The following ANKRD13A variants were observed in gnomAD, a reference collection of about 807,000 sequenced individuals.
The protein encoded by ANKRD13A is ankyrin repeat domain 13A.
In ANKRD13A, 48 loss-of-function variants were observed where a neutral mutation model predicts 81.3. The ratio of observed to expected loss-of-function variants is 0.59; its 90% CI spans 0.47 to 0.75. The LOEUF (loss-of-function observed/expected upper bound fraction) is 0.75. Among genes scored for constraint, ANKRD13A ranks in the 30% least tolerant of loss-of-function variants. The pLI is 0.00. For synonymous variants in ANKRD13A, 230 were observed against 270.1 expected (o/e 0.85, Z 1.45); for missense variants, 612 against 734.0 (o/e 0.83, Z 1.92).
Position 110,037,658 on chromosome 12 carries a change from G to A in ANKRD13A, c.*104G>A. 2 of 1,203,734 alleles carry A rather than the reference G, an allele frequency of 1.7e-6. No homozygotes were observed. Among genetic ancestry groups the A allele is most frequent in the Non-Finnish European group, 2.3e-6 (2 of 874,680 alleles). 74.6% of individuals were successfully genotyped at this position (1,203,734 alleles called of 1,614,324 possible). On this transcript the variant is annotated 3_prime_UTR_variant, in exon 15 of 15. Coordinates refer to ENST00000261739, the MANE Select transcript of ANKRD13A (RefSeq NM_033121.2). ...CTAAGGGCCTGCACCTTGCGTGCAT[G>A]CAGCAGGCAACAACTGCCCCTTCTT... is the stretch of plus-strand genomic sequence containing the variant.
At chr12:110,009,990 G>A (rs545300393) in intron 1 of ANKRD13A, among the ~76,000 whole-genome samples, 2 of 152,248 alleles carry the variant, frequency 1.3e-5, no homozygotes, top group South Asian at 2.1e-4. Context: ...TCAGCTTCCC[G>A]AGTAGCTGGG....
chr12:110,013,685 C>T (rs1310211737), intron 3 of ANKRD13A, among the ~76,000 whole-genome samples: 3 of 152,054 alleles, frequency 2.0e-5, no homozygotes, highest in Non-Finnish European at 4.4e-5. Flanking sequence ...GTAGGATGAT[C>T]GCTTGAACCC....
intron 11 of ANKRD13A, 149 bp downstream of exon 11, chr12:110,029,784 G>A: frequency 1.2e-6 from 1 of 854,888 alleles, no homozygotes; most frequent in South Asian, 1.8e-5. Context: ...GTTCTCCTGT[G>A]GTTTGATTTA....
intron 4 of ANKRD13A, among the ~76,000 whole-genome samples, chr12:110,017,850 T>G (rs1041859703): frequency 3.3e-5 from 5 of 151,966 alleles, no homozygotes; most frequent in African/African-American, 4.8e-5. Flanking sequence ...GAGAATCGCT[T>G]GAACCTGGGA....
chr12:110,027,940 A>G, intron 9 of ANKRD13A, 174 bp downstream of exon 9: 1 of 617,262 alleles, frequency 1.6e-6, no homozygotes, highest in South Asian at 2.0e-5. Flanking sequence ...TGACTCTTTG[A>G]AAATAAATAA....
At chr12:110,020,063 T>C (rs1407566445) in intron 6 of ANKRD13A, among the ~76,000 whole-genome samples, 1 of 152,174 alleles carries the variant, frequency 6.6e-6, no homozygotes, top group Admixed American at 6.5e-5. Context: ...GCCTAGGATG[T>C]CACATCCAGC....
At chr12:110,016,527 T>C in intron 4 of ANKRD13A, 94 bp downstream of exon 4, 1 of 1,240,374 alleles carries the variant, frequency 8.1e-7, no homozygotes, top group East Asian at 2.4e-5. Flanking sequence ...TACATGTATT[T>C]TTTTTTAGTC....
chr12:110,001,974 C>A (rs549832374), intron 1 of ANKRD13A, among the ~76,000 whole-genome samples: 2 of 151,642 alleles, frequency 1.3e-5, no homozygotes, highest in East Asian at 4.0e-4. Flanking sequence ...TAGGAATCTA[C>A]TTCTTTTGGT....
In ANKRD13A at chr12:110,037,341, A is replaced by G. The variant is rs976243921; in HGVS notation, c.1578-18A>G. 1.2e-6 allele frequency: 2 copies of G among 1,601,964 alleles called. No homozygotes were observed. Among genetic ancestry groups the G allele is most frequent in the Non-Finnish European group, 1.7e-6 (2 of 1,173,460 alleles). On this transcript the variant is annotated intron_variant, in intron 14 of 14. Transcript: ENST00000261739. ...ATGATAGTAGTGACTCTCCCTTTTT[A>G]TCTGTTTTCCAACCCAGGGCCATCC...
rs1892199317 is a variant in ANKRD13A at position 110,038,653 on chromosome 12, ATCT to A, written c.*1101_*1103del. ...TTCTGGATAAATCTATTTTTTAACA[ATCT>A]TTTTATTATTTGTAAAAGATATAAA... On this transcript the variant is annotated 3_prime_UTR_variant, in exon 15 of 15. Coordinates refer to ENST00000261739, the MANE Select transcript of ANKRD13A (RefSeq NM_033121.2). The A allele has an allele frequency of 6.6e-6, 1 of 152,618 alleles. No homozygotes were observed. The highest frequency in any genetic ancestry group is 2.1e-4 in the South Asian group (1 of 4,832). 9.5% of individuals were successfully genotyped at this position (152,618 alleles called of 1,614,324 possible).
chr12:110,038,695 A>C lies in ANKRD13A; in HGVS notation c.*1141A>C, dbSNP rs747900770. On this transcript the variant is annotated 3_prime_UTR_variant, in exon 15 of 15. Transcript: ENST00000261739. The stretch of plus-strand genomic sequence containing the variant: ...AAAAGATATAAAAACAACTCCCATC[A>C]GTAGCAATACAAGGTTATACATTTT... The C allele has an allele frequency of 6.6e-6, 1 of 152,670 alleles. No individual in the cohort carries two copies. The highest frequency in any genetic ancestry group is 1.5e-5 in the Non-Finnish European group (1 of 68,046). The allele number at this position is 152,670 out of a possible 1,614,324, so 9.5% of individuals were successfully genotyped here. A position where few individuals can be genotyped will look rare whatever the true frequency, so the allele number is the denominator to read the frequency against.
At chr12:110,032,385 TAA>T (rs1891744322) in intron 12 of ANKRD13A, 1 of 152,188 alleles carries the variant, frequency 6.6e-6, no homozygotes. Flanking sequence ...GTATATAAAT[TAA>T]GACTTCAAAT....
Position 110,038,164 on chromosome 12 carries a change from T to A in ANKRD13A, c.*610T>A, listed in dbSNP as rs1399049554. ...TACATATAGAATCTATTTTAGATTA[T>A]TGTTAACTATTTGCATCAAATTAAG... is the stretch of plus-strand genomic sequence containing the variant. On this transcript the variant is annotated 3_prime_UTR_variant, in exon 15 of 15. Coordinates refer to ENST00000261739, the MANE Select transcript of ANKRD13A (RefSeq NM_033121.2). The A allele has an allele frequency of 1.3e-5, 2 of 152,710 alleles. No individual in the cohort carries two copies. Among genetic ancestry groups the A allele is most frequent in the African/African-American group, 4.8e-5 (2 of 41,466 alleles). The allele number at this position is 152,710 out of a possible 1,614,324, so 9.5% of individuals were successfully genotyped here. A position where few individuals can be genotyped will look rare whatever the true frequency, so the allele number is the denominator to read the frequency against.
Position 110,030,768 on chromosome 12 carries a change from T to A in ANKRD13A, c.1348+10T>A. ...ACCCAGGCTGATTCAGGTAAAAAAA[T>A]AAATAAATACAAAGTTTAGTTTTGT... is the stretch of plus-strand genomic sequence containing the variant. On this transcript the variant is annotated intron_variant, in intron 12 of 14. Coordinates refer to ENST00000261739, the MANE Select transcript of ANKRD13A (RefSeq NM_033121.2). The A allele has an allele frequency of 6.5e-7, 1 of 1,538,772 alleles. No homozygotes were observed. The highest frequency in any genetic ancestry group is 8.8e-7 in the Non-Finnish European group (1 of 1,134,332).
At chr12:110,032,398 A>G (rs1566063386) in intron 12 of ANKRD13A, 3 of 152,252 alleles carry the variant, frequency 2.0e-5, no homozygotes, top group Non-Finnish European at 4.4e-5. Flanking sequence ...GACTTCAAAT[A>G]AAAACAATTG....
At chr12:110,035,725 G>C (rs531617488) in intron 13 of ANKRD13A, among the ~76,000 whole-genome samples, 1 of 152,158 alleles carries the variant, frequency 6.6e-6, no homozygotes, top group African/African-American at 2.4e-5. Context: ...GCTGGGATTA[G>C]AGGTGTGAGC....
chr12:110,004,714 C>T (rs1371782401), intron 1 of ANKRD13A, among the ~76,000 whole-genome samples: 1 of 152,202 alleles, frequency 6.6e-6, no homozygotes, highest in African/African-American at 2.4e-5. Flanking sequence ...CTAAGCCCCA[C>T]TAATAACTGT....
chr12:110,028,726 C>A, intron 10 of ANKRD13A, 84 bp downstream of exon 10: 1 of 1,557,414 alleles, frequency 6.4e-7, no homozygotes, highest in Non-Finnish European at 8.8e-7. Flanking sequence ...GATCATTCCA[C>A]TGCCCTCCCC....
intron 4 of ANKRD13A, among the ~76,000 whole-genome samples, chr12:110,016,920 G>A (rs908277331): frequency 1.2e-4 from 18 of 151,880 alleles, no homozygotes; most frequent in Admixed American, 9.2e-4. Flanking sequence ...TTACAGGTGC[G>A]CGCCACTGTG....
Sources: allele counts gnomAD v4.1 joint callset (sites outside exome capture counted in the v4.1 genomes callset), GRCh38; gene constraint gnomAD v4.1.1; transcripts MANE v1.5; gene names NCBI Gene and HGNC (gene_info 2026-07-23, HGNC 2026-07-21).